The following SNX22 variants were observed in gnomAD, a reference collection of about 807,000 sequenced individuals.
The protein encoded by SNX22 is sorting nexin-22.
Under a neutral mutation model 24.7 loss-of-function variants are expected in SNX22, and 23 were observed. The ratio of observed to expected loss-of-function variants is 0.93; its 90% CI spans 0.67 to 1.32. The LOEUF (loss-of-function observed/expected upper bound fraction) is 1.32, where lower values mean the gene tolerates loss of function less well. Ranked by LOEUF, SNX22 falls within the 40% of genes most tolerant of loss-of-function variation. The pLI is 0.00. For synonymous variants in SNX22, 99 were observed against 104.0 expected (o/e 0.95, Z 0.29); for missense variants, 261 against 249.9 (o/e 1.04, Z -0.30).
intron 4 of SNX22, 132 bp downstream of exon 4, chr15:64,153,471 T>C: frequency 6.8e-7 from 1 of 1,473,550 alleles, no homozygotes; most frequent in East Asian, 2.5e-5. Flanking sequence ...TCTCTTGACC[T>C]GGGTGGAGGG....
At position 64,153,698 on chromosome 15, in the gene SNX22, C is replaced by T. The variant is rs2081504087; in HGVS notation, c.392+14C>T. On this transcript the variant is annotated intron_variant, in intron 5 of 6. Coordinates refer to ENST00000325881, the MANE Select transcript of SNX22 (RefSeq NM_024798.3). ...TGGCGACAGCAGGCAAGTCAAAGCC[C>T]TAGCCCGCGCTTGGCCCCTGCTGCC... 3 of 1,613,956 alleles carry T rather than the reference C, an allele frequency of 1.9e-6. No homozygotes were observed. The highest frequency in any genetic ancestry group is 2.5e-6 in the Non-Finnish European group (3 of 1,180,000).
rs890448155 is a variant in SNX22 at position 64,152,200 on chromosome 15, G to A, written c.76-43G>A. ...GGCGCAGGTGCTGCGGCGTCCTCCC[G>A]CGGGGCCTCACGCGCAGACCCGCTG... On this transcript the variant is annotated intron_variant, in intron 1 of 6. Coordinates refer to ENST00000325881, the MANE Select transcript of SNX22 (RefSeq NM_024798.3). 9.5e-6 allele frequency: 13 copies of A among 1,368,452 alleles called. No individual in the cohort carries two copies. The African/African-American group carries it at 2.0e-4, about 21-fold the overall frequency. The allele number at this position is 1,368,452 out of a possible 1,614,324, so 84.8% of individuals were successfully genotyped here.
chr15:64,151,948 G>C (rs2081489196), intron 1 of SNX22, 98 bp downstream of exon 1: 2 of 1,220,034 alleles, frequency 1.6e-6, no homozygotes, highest in African/African-American at 1.6e-5. Flanking sequence ...GGGTGAACGA[G>C]CGCTGCGGGC....
At chr15:64,152,575 G>T in intron 2 of SNX22, 63 bp from the exon 3 acceptor site, 2 of 1,501,264 alleles carry the variant, frequency 1.3e-6, no homozygotes, top group South Asian at 1.2e-5. Flanking sequence ...CTTCTGGCTG[G>T]GGCGAAGAGG....
rs779838201 is a variant in SNX22, at chr15:64,156,933, CA to C, written c.*2426del. On this transcript the variant is annotated 3_prime_UTR_variant, in exon 7 of 7. Transcript: ENST00000325881. The surrounding 1 kb of genome is among the most constrained non-coding windows in gnomAD (Gnocchi z 6.4). ...TCCTGGGAAAAAAGACAGAGCAGGT[CA>C]GGGGCGCTGGATTGCGCCAAACCAA... 6 of 1,612,828 alleles carry C rather than the reference CA, an allele frequency of 3.7e-6. No individual in the cohort carries two copies. In the African/African-American group the frequency reaches 4.0e-5, roughly 11 times the overall value.
At chr15:64,152,426 C>A (rs1268617104) in intron 2 of SNX22, 100 bp downstream of exon 2, 2 of 1,312,098 alleles carry the variant, frequency 1.5e-6, no homozygotes, top group South Asian at 2.8e-5. Context: ...CTCCGCCACC[C>A]CCATTACTGC....
Position 64,157,350 on chromosome 15 carries a change from G to A in SNX22, c.*2842G>A. 1 of 199,982 alleles carries A rather than the reference G, an allele frequency of 5.0e-6. No homozygotes were observed. The highest frequency in any genetic ancestry group is 1.0e-5 in the Non-Finnish European group (1 of 96,506). 12.4% of individuals were successfully genotyped at this position (199,982 alleles called of 1,614,324 possible). On this transcript the variant is annotated 3_prime_UTR_variant, in exon 7 of 7. Coordinates refer to ENST00000325881, the MANE Select transcript of SNX22 (RefSeq NM_024798.3). This position sits in a 1 kb window ranked among gnomAD's most constrained non-coding sequence, Gnocchi z 4.2. ...TTTCCTATGAGCACAAAAGACACAG[G>A]CATAGCTGCAGAGGAGAAAGCAGCC...
chr15:64,157,075 C>T lies in SNX22; in HGVS notation c.*2567C>T. 2 of 741,112 alleles carry T rather than the reference C, an allele frequency of 2.7e-6. No homozygotes were observed. Among genetic ancestry groups the T allele is most frequent in the Non-Finnish European group, 4.3e-6 (2 of 461,754 alleles). 45.9% of individuals were successfully genotyped at this position (741,112 alleles called of 1,614,324 possible). On this transcript the variant is annotated 3_prime_UTR_variant, in exon 7 of 7. Coordinates refer to ENST00000325881, the MANE Select transcript of SNX22 (RefSeq NM_024798.3). The surrounding 1 kb of genome is among the most constrained non-coding windows in gnomAD (Gnocchi z 4.2). ...CCTTCCTATCTTCTGGCCTCAGAGC[C>T]AAGCCATGCTGACTGAGGCCAAGTG...
At chr15:64,154,112 C>A in intron 6 of SNX22, 110 bp downstream of exon 6, 2 of 1,609,722 alleles carry the variant, frequency 1.2e-6, no homozygotes, top group Non-Finnish European at 8.5e-7. Flanking sequence ...CCTCTGGAGC[C>A]ACTACCTCCT....
Position 64,155,914 on chromosome 15 carries a change from G to C in SNX22, c.*1406G>C. 2 of 1,538,590 alleles carry C rather than the reference G, an allele frequency of 1.3e-6. No individual in the cohort carries two copies. Among genetic ancestry groups the C allele is most frequent in the Admixed American group, 3.3e-5 (2 of 59,878 alleles). The stretch of plus-strand genomic sequence containing the variant: ...CATGGGCCTGTGGAATGTGAGGGGA[G>C]TGGGTCCGCTCCACCAGATGCCAGC... On this transcript the variant is annotated 3_prime_UTR_variant, in exon 7 of 7. Coordinates refer to ENST00000325881, the MANE Select transcript of SNX22 (RefSeq NM_024798.3).
At chr15:64,153,463 T>C in intron 4 of SNX22, 124 bp downstream of exon 4, 1 of 1,516,080 alleles carries the variant, frequency 6.6e-7, no homozygotes, top group Non-Finnish European at 9.0e-7. Flanking sequence ...TCACCAGCTC[T>C]CTTGACCTGG....
In SNX22 at chr15:64,154,962, T is replaced by A. The variant is rs1249346123; in HGVS notation, c.*454T>A. 1 of 145,170 alleles carries A rather than the reference T, an allele frequency of 6.9e-6. No homozygotes were observed. Among genetic ancestry groups the A allele is most frequent in the Non-Finnish European group, 1.5e-5 (1 of 66,724 alleles). 9.0% of individuals were successfully genotyped at this position (145,170 alleles called of 1,614,324 possible). ...AGCTGAGGTAGGAGAATCTCTTTTTTTTTTTTTTTTTTTTTTTTGAGACGG... is the reference window on the plus strand; with the variant it reads ...AGCTGAGGTAGGAGAATCTCTTTTTATTTTTTTTTTTTTTTTTTGAGACGG... On this transcript the variant is annotated 3_prime_UTR_variant, in exon 7 of 7. Transcript: ENST00000325881.
chr15:64,153,923 G>C lies in SNX22; in HGVS notation c.393-12G>C, dbSNP rs371628479. On this transcript the variant is annotated splice_polypyrimidine_tract_variant and intron_variant, in intron 5 of 6. Transcript: ENST00000325881. Reference sequence around the variant, plus strand: ...TCCCGCACCCATGGTTCATGACCCTGTTTCCTCCCAGCTCCCAGCAGCACC... The same window carrying C: ...TCCCGCACCCATGGTTCATGACCCTCTTTCCTCCCAGCTCCCAGCAGCACC... 6.2e-7 allele frequency: 1 copy of C among 1,610,024 alleles called. No homozygotes were observed. Among genetic ancestry groups the C allele is most frequent in the South Asian group, 1.1e-5 (1 of 90,748 alleles).
rs1403135304 is a variant in SNX22, at chr15:64,157,046, G to A, written c.*2538G>A. 3.2e-6 allele frequency: 3 copies of A among 934,510 alleles called. No homozygotes were observed. The highest frequency in any genetic ancestry group is 4.8e-6 in the Non-Finnish European group (3 of 629,994). The allele number at this position is 934,510 out of a possible 1,614,324, so 57.9% of individuals were successfully genotyped here. ...AGTGGACTACAAGGACATAAAAGCA[G>A]CGTCCTTCCTATCTTCTGGCCTCAG... On this transcript the variant is annotated 3_prime_UTR_variant, in exon 7 of 7. Coordinates refer to ENST00000325881, the MANE Select transcript of SNX22 (RefSeq NM_024798.3). The surrounding 1 kb of genome is among the most constrained non-coding windows in gnomAD (Gnocchi z 4.2).
intron 6 of SNX22, 184 bp downstream of exon 6, chr15:64,154,186 C>T (rs1484687839): frequency 2.5e-6 from 4 of 1,573,062 alleles, no homozygotes. Flanking sequence ...CCCTGGTCTC[C>T]ATTTCTTCAG....
chr15:64,153,507 C>T (rs1447362833), intron 4 of SNX22, 145 bp from the exon 5 acceptor site: 7 of 1,483,978 alleles, frequency 4.7e-6, no homozygotes, highest in Non-Finnish European at 6.5e-6. Flanking sequence ...GACTTGGTTA[C>T]CCCCGCCACC....
Position 64,156,969 on chromosome 15 carries a change from C to T in SNX22, c.*2461C>T, listed in dbSNP as rs539380059. 14 of 1,564,544 alleles carry T rather than the reference C, an allele frequency of 8.9e-6. No individual in the cohort carries two copies. Among genetic ancestry groups the T allele is most frequent in the African/African-American group, 6.8e-5 (5 of 73,902 alleles). On this transcript the variant is annotated 3_prime_UTR_variant, in exon 7 of 7. Transcript: ENST00000325881. The surrounding 1 kb of genome is among the most constrained non-coding windows in gnomAD (Gnocchi z 6.4). ...GATTGCGCCAAACCAAGCAGACATT[C>T]GGGGCCAGGACTGAGGGGGCTTAAC...
Position 64,156,367 on chromosome 15 carries a change from G to A in SNX22, c.*1859G>A, listed in dbSNP as rs2140180544. The A allele has an allele frequency of 1.5e-6, 1 of 682,900 alleles. No homozygotes were observed. 42.3% of individuals were successfully genotyped at this position (682,900 alleles called of 1,614,324 possible). A position where few individuals can be genotyped will look rare whatever the true frequency, so the allele number is the denominator to read the frequency against. ...TTTGTTCCTTTGAAGTAAGACCCAG[G>A]TTGGGCCAAGGGTGAGGAGGAGGAA... On this transcript the variant is annotated 3_prime_UTR_variant, in exon 7 of 7. Transcript: ENST00000325881. The surrounding 1 kb of genome is among the most constrained non-coding windows in gnomAD (Gnocchi z 6.4).
rs2081539482 is a variant in SNX22 at position 64,157,161 on chromosome 15, T to C, written c.*2653T>C. ...CAGAAGGATTACTTTGAGAAGATAGTTTTGTGGCTTTTAAATAAGGCGCAT... is the reference window on the plus strand; with the variant it reads ...CAGAAGGATTACTTTGAGAAGATAGCTTTGTGGCTTTTAAATAAGGCGCAT... On this transcript the variant is annotated 3_prime_UTR_variant, in exon 7 of 7. Transcript: ENST00000325881. The surrounding 1 kb of genome is among the most constrained non-coding windows in gnomAD (Gnocchi z 4.2). 1.8e-6 allele frequency: 1 copy of C among 558,940 alleles called. No homozygotes were observed. Among genetic ancestry groups the C allele is most frequent in the South Asian group, 2.2e-5 (1 of 46,074 alleles). The allele number at this position is 558,940 out of a possible 1,614,324, so 34.6% of individuals were successfully genotyped here.
Sources: allele counts gnomAD v4.1 joint callset, GRCh38; gene constraint gnomAD v4.1.1; non-coding constraint Gnocchi (gnomAD v3.1); transcripts MANE v1.5; gene names NCBI Gene and HGNC (gene_info 2026-07-23, HGNC 2026-07-21).